Variants in CACNA1C observed in about 807,000 individuals in gnomAD.
The protein encoded by CACNA1C is calcium voltage-gated channel subunit alpha1 C.
Under a neutral mutation model 229.0 loss-of-function variants are expected in CACNA1C, and 30 were observed. That is an observed-to-expected ratio of 0.13 (90% CI 0.10 to 0.18). The LOEUF (loss-of-function observed/expected upper bound fraction) is 0.18, where lower values mean the gene tolerates loss of function less well. CACNA1C is among the 10% of genes least tolerant of loss of function. The pLI is 1.00. For synonymous variants in CACNA1C, 1,114 were observed against 1,132.5 expected, an observed-to-expected ratio of 0.98 and a Z score of 0.33; for missense variants, 1,658 against 2,845.0, an observed-to-expected ratio of 0.58 and a Z score of 9.49.
chr12:2,674,371 A>G, intron 38 of CACNA1C, 170 bp from the exon 39 acceptor site: 2 of 915,804 alleles, frequency 2.2e-6, no homozygotes, highest in Non-Finnish European at 3.2e-6. Context: ...GGGGAAGAGG[A>G]AGGAGGTGGA....
intron 3 of CACNA1C, among the ~76,000 whole-genome samples, chr12:2,254,725 G>C (rs1356858024): frequency 6.6e-6 from 1 of 152,138 alleles, no homozygotes; most frequent in Non-Finnish European, 1.5e-5. Context: ...GGCTGAAGTG[G>C]GGTTGGTTGA....
rs1305921620 is a variant in CACNA1C at position 2,479,290 on chromosome 12, C to T, written c.758-6814C>T. On this transcript the variant is annotated intron_variant, in intron 5 of 46. Transcript: ENST00000399655. The surrounding 1 kb of genome is among the most constrained non-coding windows in gnomAD (Gnocchi z 4.3). ...AGTGCAGTAGTATGATCATAGTTCA[C>T]TGTAAACTTGAACTCCTGGGCTCAA... is the stretch of plus-strand genomic sequence containing the variant. Among the ~76,000 whole-genome samples, 1 of 152,170 alleles carries T rather than the reference C, an allele frequency of 6.6e-6. No individual in the cohort carries two copies. The highest frequency in any genetic ancestry group is 1.5e-5 in the Non-Finnish European group (1 of 68,036).
In CACNA1C at chr12:2,607,122, G is replaced by A. The variant is rs1347569926; in HGVS notation, c.3348G>A (p.Gly1116=). Residue 1116 remains glycine (G), a synonymous_variant, in exon 26 of 47, where the codon GGG becomes GGA. Transcript: ENST00000399655. Reference sequence around the variant, plus strand: ...TCTTCACCGTCTCCACCTTCGAAGGGTGGCCAGAGTGAGTATGCAAAGCAA... The same window carrying A: ...TCTTCACCGTCTCCACCTTCGAAGGATGGCCAGAGTGAGTATGCAAAGCAA... ...MALFTVSTFE[G]WPELLYRSID... is the part of the protein sequence containing the mutation. 1.2e-6 allele frequency: 2 copies of A among 1,611,908 alleles called. No individual in the cohort carries two copies. Among genetic ancestry groups the A allele is most frequent in the Non-Finnish European group, 1.7e-6 (2 of 1,178,862 alleles).
chr12:2,582,561 G>A (rs1267514823), intron 14 of CACNA1C, among the ~76,000 whole-genome samples: 1 of 152,180 alleles, frequency 6.6e-6, no homozygotes, highest in African/African-American at 2.4e-5. Context: ...AAGCATGTGT[G>A]GGGAAAGTCA....
chr12:2,242,584 G>C (rs973754419), intron 3 of CACNA1C, among the ~76,000 whole-genome samples: 1 of 152,200 alleles, frequency 6.6e-6, no homozygotes, highest in African/African-American at 2.4e-5. Context: ...CTATGTCAGT[G>C]GCCTGTTGGC....
chr12:2,680,473 G>C (rs774017282), intron 42 of CACNA1C: 2 of 1,567,206 alleles, frequency 1.3e-6, no homozygotes, highest in South Asian at 2.4e-5. Context: ...GCGGGGCTGA[G>C]AGAGGACACA....
intron 1 of CACNA1C, among the ~76,000 whole-genome samples, chr12:2,096,012 G>T (rs1228837058): frequency 1.3e-5 from 2 of 152,136 alleles, no homozygotes; most frequent in African/African-American, 2.4e-5. Flanking sequence ...CAGGCTCTGG[G>T]CTAGGCACAG....
intron 1 of CACNA1C, among the ~76,000 whole-genome samples, chr12:2,019,585 G>A (rs11610560): frequency 0.58 from 87,702 of 149,986 alleles, 25,997 homozygotes; most frequent in East Asian, 0.72. Context: ...GAAAGAGAGA[G>A]AGAAAGAAAG....
intron 3 of CACNA1C, among the ~76,000 whole-genome samples, chr12:2,421,159 A>T (rs2098974886): frequency 6.6e-6 from 1 of 152,234 alleles, no homozygotes; most frequent in Non-Finnish European, 1.5e-5. Context: ...CTTAGCAAAA[A>T]AAATTATAGG....
chr12:2,041,555 C>T (rs1046127843), intron 1 of CACNA1C, among the ~76,000 whole-genome samples: 5 of 152,116 alleles, frequency 3.3e-5, no homozygotes, highest in Non-Finnish European at 7.4e-5. Context: ...GGATTACAGG[C>T]ATGAGCCACT....
At chr12:2,051,727 A>ATG (rs956607945), upstream of CACNA1C, among the ~76,000 whole-genome samples, 3 of 152,204 alleles carry the variant, frequency 2.0e-5, no homozygotes, top group Admixed American at 6.5e-5. Context: ...GAAGTATGGG[A>ATG]TGGTCATCGA....
At chr12:2,642,189 T>A (rs2093790433) in intron 30 of CACNA1C, among the ~76,000 whole-genome samples, 1 of 152,244 alleles carries the variant, frequency 6.6e-6, no homozygotes, top group Non-Finnish European at 1.5e-5. Flanking sequence ...GCCGAGGTCC[T>A]GATGCGGCTC....
At chr12:2,485,648 C>T (rs1307117017) in intron 5 of CACNA1C, among the ~76,000 whole-genome samples, 1 of 152,172 alleles carries the variant, frequency 6.6e-6, no homozygotes, top group Non-Finnish European at 1.5e-5. Context: ...TGTTGTACAA[C>T]TGTCATCACC....
chr12:2,009,943 GA>G, intron 1 of CACNA1C, among the ~76,000 whole-genome samples: 1 of 151,960 alleles, frequency 6.6e-6, no homozygotes, highest in East Asian at 1.9e-4. Flanking sequence ...AAATGTACCA[GA>G]AAAAGCTTTG....
chr12:2,074,966 A>G (rs1321055055), intron 1 of CACNA1C, among the ~76,000 whole-genome samples: 6 of 152,168 alleles, frequency 3.9e-5, no homozygotes, highest in Non-Finnish European at 7.4e-5. Context: ...GGATCAAGCC[A>G]TGTGTTTAAA....
At chr12:2,538,994 G>A (rs4765693) in intron 9 of CACNA1C, among the ~76,000 whole-genome samples, 50,428 of 152,042 alleles carry the variant, frequency 0.33, 9,240 homozygotes, top group African/African-American at 0.49. Context: ...GCATTTCAGC[G>A]ACGTCGCCTG....
rs2068857767 is a variant in CACNA1C at position 2,597,371 on chromosome 12, A to G, written c.2853+82A>G. 9 of 1,499,588 alleles carry G rather than the reference A, an allele frequency of 6.0e-6. No individual in the cohort carries two copies. The highest frequency in any genetic ancestry group is 1.4e-5 in the African/African-American group (1 of 72,570). The allele number at this position is 1,499,588 out of a possible 1,614,324, so 92.9% of individuals were successfully genotyped here. A position where few individuals can be genotyped will look rare whatever the true frequency, so the allele number is the denominator to read the frequency against. The stretch of plus-strand genomic sequence containing the variant: ...CTGCCGCTGTCTGTCGCTAACACAC[A>G]TGCTCCTTCCTGTTGGTGTGGGGTT... On this transcript the variant is annotated intron_variant, in intron 21 of 46. Transcript: ENST00000399655. The surrounding 1 kb of genome is among the most constrained non-coding windows in gnomAD (Gnocchi z 4.3).
intron 3 of CACNA1C, among the ~76,000 whole-genome samples, chr12:2,242,433 C>T (rs576789947): frequency 3.9e-5 from 6 of 152,284 alleles, no homozygotes; most frequent in South Asian, 4.1e-4. Flanking sequence ...CTAAAGGTGG[C>T]GGCCACAGCA....
At chr12:2,618,946 G>C (rs759128180) in intron 29 of CACNA1C, among the ~76,000 whole-genome samples, 9 of 152,190 alleles carry the variant, frequency 5.9e-5, no homozygotes, top group Non-Finnish European at 1.0e-4. Context: ...CGCTCACCAG[G>C]AATCATCCTC....
Sources: allele counts gnomAD v4.1 joint callset (sites outside exome capture counted in the v4.1 genomes callset), GRCh38; gene constraint gnomAD v4.1.1; non-coding constraint Gnocchi (gnomAD v3.1); transcripts MANE v1.5; gene names NCBI Gene and HGNC (gene_info 2026-07-23, HGNC 2026-07-21).